Variants in ZNF728 observed in about 807,000 individuals in gnomAD.
The protein encoded by ZNF728 is zinc finger protein 728.
In ZNF728, 12 loss-of-function variants were observed where a neutral mutation model predicts 12.5. The observed-to-expected ratio is 0.96, with a 90% confidence interval of 0.61 to 1.55. The LOEUF (loss-of-function observed/expected upper bound fraction) is 1.55. ZNF728 is among the 40% of genes most tolerant of loss of function. The probability of loss-of-function intolerance (pLI) is 0.00; values close to 1 mark genes in which losing one functional copy is unlikely to be tolerated. For synonymous variants in ZNF728, 205 were observed against 240.7 expected (o/e 0.85, Z 1.37); for missense variants, 692 against 719.2 (o/e 0.96, Z 0.43).
Position 22,975,435 on chromosome 19 carries a change from G to T in ZNF728, c.*33C>A. 6.7e-7 allele frequency: 1 copy of T among 1,502,794 alleles called. No homozygotes were observed. Among genetic ancestry groups the T allele is most frequent in the Non-Finnish European group, 8.9e-7 (1 of 1,123,362 alleles). The allele number at this position is 1,502,794 out of a possible 1,614,324, so 93.1% of individuals were successfully genotyped here. ...ATAAATACCCTTATGTTCAGTAAGG[G>T]TTAAGAACTAATTGAAAGCTTTGCC... On this transcript the variant is annotated 3_prime_UTR_variant, in exon 4 of 4. Coordinates refer to ENST00000594710, the MANE Select transcript of ZNF728 (RefSeq NM_001267716.2).
At chr19:22,984,599 C>G (rs1207327033) in intron 3 of ZNF728, among the ~76,000 whole-genome samples, 2 of 149,654 alleles carry the variant, frequency 1.3e-5, no homozygotes, top group East Asian at 3.9e-4. Flanking sequence ...CACACACACA[C>G]ACACACACAC....
chr19:22,983,882 C>T (rs1968886627), intron 3 of ZNF728, among the ~76,000 whole-genome samples: 1 of 152,096 alleles, frequency 6.6e-6, no homozygotes, highest in Non-Finnish European at 1.5e-5. Context: ...GGATGAATAA[C>T]ATTAGGAGAA....
intron 3 of ZNF728, among the ~76,000 whole-genome samples, chr19:22,979,687 A>G (rs1380787767): frequency 6.6e-6 from 1 of 152,246 alleles, no homozygotes; most frequent in Non-Finnish European, 1.5e-5. Context: ...TACAAGCCAG[A>G]AGAGACTGGG....
Position 22,976,670 on chromosome 19 carries a change from T to G in ZNF728, c.667A>C (p.Thr223Pro), listed in dbSNP as rs768617998. The G allele has an allele frequency of 6.2e-7, 1 of 1,613,188 alleles. No individual in the cohort carries two copies. The highest frequency in any genetic ancestry group is 1.7e-5 in the Admixed American group (1 of 59,948). Residue 223 changes from threonine to proline, a missense_variant, in exon 4 of 4, where the codon ACT becomes CCT. Physicochemically the swap from Thr to Pro is conservative, Grantham distance 38 (BLOSUM62 -1). Coordinates refer to ENST00000594710, the MANE Select transcript of ZNF728 (RefSeq NM_001267716.2). ...TCACATTTGCAGGGTTTCTCTCCAG[T>G]ATGAATTCTCTTATAAGTAAGGGCT... ...SSALTYKRIHTGEKPCKCEEC... is the reference protein window; with the variant it reads ...SSALTYKRIHPGEKPCKCEEC...
intron 1 of ZNF728, among the ~76,000 whole-genome samples, chr19:22,990,355 G>A (rs953407509): frequency 1.3e-5 from 2 of 152,064 alleles, no homozygotes; most frequent in Non-Finnish European, 1.5e-5. Flanking sequence ...ATCTTGAGAA[G>A]ATGCCTTTAA....
intron 1 of ZNF728, among the ~76,000 whole-genome samples, chr19:22,989,600 T>C (rs1269892792): frequency 4.6e-5 from 7 of 152,186 alleles, no homozygotes; most frequent in African/African-American, 1.7e-4. Flanking sequence ...AATGTCCTGA[T>C]GCACCCAGAA....
intron 2 of ZNF728, among the ~76,000 whole-genome samples, chr19:22,987,729 G>A (rs1174519441): frequency 6.6e-6 from 1 of 151,910 alleles, no homozygotes; most frequent in African/African-American, 2.4e-5. Context: ...GTTAAGTTAA[G>A]GTCAAGATGA....
Position 23,003,016 on chromosome 19 carries a change from C to T in ZNF728, c.3+12G>A. ...TGCCACTCTCTCGGGATGTCGGACC[C>T]GGCTGACTCACCATTTCTAGGCTTC... is the stretch of plus-strand genomic sequence containing the variant. On this transcript the variant is annotated intron_variant, in intron 1 of 3. Transcript: ENST00000594710. The T allele has an allele frequency of 1.3e-6, 2 of 1,584,000 alleles. No homozygotes were observed. The highest frequency in any genetic ancestry group is 1.7e-6 in the Non-Finnish European group (2 of 1,165,576).
At chr19:23,000,345 T>C (rs915407234) in intron 1 of ZNF728, among the ~76,000 whole-genome samples, 1 of 149,342 alleles carries the variant, frequency 6.7e-6, no homozygotes, top group Non-Finnish European at 1.5e-5. Context: ...ACCATTGCAC[T>C]CCAGCCTGGG....
In ZNF728 at chr19:23,003,098, T is replaced by C. The variant is rs1183227456; in HGVS notation, c.-68A>G. 1.3e-6 allele frequency: 2 copies of C among 1,527,976 alleles called. No homozygotes were observed. The highest frequency in any genetic ancestry group is 1.3e-5 in the South Asian group (1 of 78,366). 94.7% of individuals were successfully genotyped at this position (1,527,976 alleles called of 1,614,324 possible). A position where few individuals can be genotyped will look rare whatever the true frequency, so the allele number is the denominator to read the frequency against. On this transcript the variant is annotated 5_prime_UTR_variant, in exon 1 of 4. It removes an upstream start codon present in the reference 5' UTR. Transcript: ENST00000594710. ...CCAATACCTGCAGGTCACAGGGCCA[T>C]AGAAGCTGGGCCTTTAGGAGCGGAC...
chr19:22,997,661 C>A (rs1476660512), intron 1 of ZNF728, among the ~76,000 whole-genome samples: 1 of 150,732 alleles, frequency 6.6e-6, no homozygotes, highest in African/African-American at 2.4e-5. Flanking sequence ...AAAATCGGAT[C>A]TGAACTGAAG....
chr19:22,985,548 C>T (rs1968906946), intron 3 of ZNF728: 1 of 152,090 alleles, frequency 6.6e-6, no homozygotes, highest in African/African-American at 2.4e-5. Context: ...GCACCCTTTT[C>T]AGAAGGCAAG....
At position 22,976,847 on chromosome 19, in the gene ZNF728, T is replaced by A; in HGVS notation, c.490A>T (p.Lys164Ter). The change falls in exon 4 of 4, where the codon AAG (lysine) becomes TAG (stop). Residue 164 changes from lysine to a stop codon, truncating the protein, a stop_gained. Coordinates refer to ENST00000594710, the MANE Select transcript of ZNF728 (RefSeq NM_001267716.2). LOFTEE classifies it low-confidence loss of function (END_TRUNC). ...AGTTTCTTTCCAGTATGCCTTATCTTATGTCTTTTTGAATTTGAACATTTA... is the reference window on the plus strand; with the variant it reads ...AGTTTCTTTCCAGTATGCCTTATCTAATGTCTTTTTGAATTTGAACATTTA... The part of the protein sequence containing the change: ...FHKCSNSKRH[K>*]IRHTGKKLLK... 1 of 1,613,354 alleles carries A rather than the reference T, an allele frequency of 6.2e-7. No homozygotes were observed.
chr19:22,984,529 A>C (rs1968893134), intron 3 of ZNF728, among the ~76,000 whole-genome samples: 2 of 145,516 alleles, frequency 1.4e-5, no homozygotes, highest in Admixed American at 7.1e-5. Context: ...GCTACACTCC[A>C]GCCTGGAGAT....
chr19:22,986,078 G>GC (rs1350177964), intron 3 of ZNF728, among the ~76,000 whole-genome samples: 5 of 152,146 alleles, frequency 3.3e-5, no homozygotes, highest in Middle Eastern at 3.2e-3. Flanking sequence ...TTGTGACCAA[G>GC]CTACAACCCC....
chr19:22,989,731 A>AT (rs1340858386), intron 1 of ZNF728, among the ~76,000 whole-genome samples: 2 of 152,204 alleles, frequency 1.3e-5, no homozygotes, highest in African/African-American at 4.8e-5. Flanking sequence ...ATGTTCTGTA[A>AT]TTTTTAATAG....
At position 22,976,808 on chromosome 19, in the gene ZNF728, C is replaced by A; in HGVS notation, c.529G>T (p.Glu177Ter). The change falls in exon 4 of 4, where the codon GAA (glutamate) becomes TAA (stop). Residue 177 changes from glutamate (E) to a stop codon, truncating the protein, a stop_gained. Coordinates refer to ENST00000594710, the MANE Select transcript of ZNF728 (RefSeq NM_001267716.2). LOFTEE classifies it low-confidence loss of function (END_TRUNC). ...HTGKKLLKCK[E>*]YVRSFCMLSH... ...AGCATGCAAAATGATCTGACATATT[C>A]TTTACATTTCAAAAGTTTCTTTCCA... The A allele has an allele frequency of 6.2e-7, 1 of 1,613,358 alleles. No homozygotes were observed. The highest frequency in any genetic ancestry group is 1.1e-5 in the South Asian group (1 of 91,076).
intron 1 of ZNF728, among the ~76,000 whole-genome samples, chr19:22,991,844 G>C (rs951810898): frequency 1.3e-5 from 2 of 152,132 alleles, no homozygotes; most frequent in Non-Finnish European, 2.9e-5. Context: ...ATGCCACTGG[G>C]GGGTATTGTC....
intron 3 of ZNF728, among the ~76,000 whole-genome samples, chr19:22,984,456 G>A (rs1446059776): frequency 6.6e-6 from 1 of 151,534 alleles, no homozygotes; most frequent in Non-Finnish European, 1.5e-5. Context: ...CTACTCAGGA[G>A]GCTGAGGCAA....
Sources: allele counts gnomAD v4.1 joint callset (sites outside exome capture counted in the v4.1 genomes callset), GRCh38; gene constraint gnomAD v4.1.1; transcripts MANE v1.5; gene names NCBI Gene and HGNC (gene_info 2026-07-23, HGNC 2026-07-21).